The following OCA2 variants were observed in gnomAD, a reference collection of about 807,000 sequenced individuals.
OCA2 encodes the protein OCA2 melanosomal transmembrane protein.
OCA2 carries 77 observed loss-of-function variants against 100.2 expected under a neutral mutation model. The ratio of observed to expected loss-of-function variants is 0.77; its 90% CI spans 0.64 to 0.93. The LOEUF (loss-of-function observed/expected upper bound fraction) is 0.93, where lower values mean the gene tolerates loss of function less well. Ranked by LOEUF, OCA2 falls within the 40% of genes least tolerant of loss-of-function variation. OCA2 has a pLI of 0.00. For missense variants in OCA2, 1,062 were observed against 1,089.1 expected, an observed-to-expected ratio of 0.98 and a Z score of 0.35; for synonymous variants, 432 against 439.2, an observed-to-expected ratio of 0.98 and a Z score of 0.21.
intron 14 of OCA2, among the ~76,000 whole-genome samples, chr15:27,968,660 C>T (rs1229981155): frequency 1.3e-5 from 2 of 152,118 alleles, no homozygotes; most frequent in African/African-American, 4.8e-5. Flanking sequence ...TAGAGCTTGC[C>T]AATATACAAT....
At chr15:27,729,108 C>T in the OCA2 span, among the ~76,000 whole-genome samples, 1,287 of 152,248 alleles carry the variant, frequency 8.5e-3, 19 homozygotes, top group African/African-American at 0.029. Context: ...CCCTTTTCCT[C>T]CATATCCAAT....
chr15:27,873,222 A>G (rs112823493), intron 19 of OCA2, among the ~76,000 whole-genome samples: 2,780 of 152,324 alleles, frequency 0.018, 86 homozygotes, highest in African/African-American at 0.063. Flanking sequence ...TGGCCCGTGC[A>G]TTATAAAATG....
chr15:28,005,957 A>G (rs1490742387), intron 9 of OCA2, among the ~76,000 whole-genome samples: 2 of 152,178 alleles, frequency 1.3e-5, no homozygotes, highest in Admixed American at 6.5e-5. Flanking sequence ...CATCTCCTTG[A>G]GAAGCGCCAC....
the OCA2 span, among the ~76,000 whole-genome samples, chr15:27,722,676 C>T: frequency 1.4e-3 from 183 of 131,664 alleles, 1 homozygote; most frequent in Middle Eastern, 7.8e-3. Context: ...CCTTTCTTTT[C>T]TTTCTTTCTT....
the OCA2 span, among the ~76,000 whole-genome samples, chr15:27,733,361 TCTGTCACTCCC>T: frequency 6.6e-6 from 1 of 152,152 alleles, no homozygotes; most frequent in South Asian, 2.1e-4. Context: ...CTGCCCCAGG[TCTGTCACTCCC>T]CTGTCTCCAG....
At chr15:28,019,479 C>T (rs566747869) in intron 6 of OCA2, among the ~76,000 whole-genome samples, 1 of 152,272 alleles carries the variant, frequency 6.6e-6, no homozygotes, top group East Asian at 1.9e-4. Context: ...GCTACAATTA[C>T]AGGCTTCTGA....
intron 14 of OCA2, among the ~76,000 whole-genome samples, chr15:27,982,041 T>A (rs1298383728): frequency 2.7e-5 from 4 of 150,914 alleles, no homozygotes; most frequent in Non-Finnish European, 5.9e-5. Flanking sequence ...CATTGTTCCA[T>A]GTGTTTTGTC....
At position 27,957,532 on chromosome 15, in the gene OCA2, C is replaced by T; in HGVS notation, c.1784+56G>A. 1 of 1,599,694 alleles carries T rather than the reference C, an allele frequency of 6.3e-7. No homozygotes were observed. Among genetic ancestry groups the T allele is most frequent in the Non-Finnish European group, 8.5e-7 (1 of 1,169,998 alleles). On this transcript the variant is annotated intron_variant, in intron 16 of 23. Coordinates refer to ENST00000354638, the MANE Select transcript of OCA2 (RefSeq NM_000275.3). This position sits in a 1 kb window ranked among gnomAD's most constrained non-coding sequence, Gnocchi z 4.3. Reference sequence around the variant, plus strand: ...CAGCTAATGTCGCTATTTTGTAGGCCCATGGAATGTTCTGCTGCACACCAA... The same window carrying T: ...CAGCTAATGTCGCTATTTTGTAGGCTCATGGAATGTTCTGCTGCACACCAA...
intron 23 of OCA2, among the ~76,000 whole-genome samples, chr15:27,823,866 C>A (rs888971193): frequency 6.6e-6 from 1 of 152,138 alleles, no homozygotes; most frequent in African/African-American, 2.4e-5. Context: ...TTTGAAGCAA[C>A]AAAATGATTT....
At chr15:27,947,574 T>A (rs1488952212) in intron 18 of OCA2, among the ~76,000 whole-genome samples, 5 of 152,314 alleles carry the variant, frequency 3.3e-5, no homozygotes, top group African/African-American at 1.2e-4. Context: ...ATGCCCCTGA[T>A]GCCTTCTCTG....
At chr15:27,862,527 T>C (rs1236926254) in intron 21 of OCA2, among the ~76,000 whole-genome samples, 2 of 145,946 alleles carry the variant, frequency 1.4e-5, no homozygotes, top group Non-Finnish European at 1.5e-5. Context: ...CAGACTGGAG[T>C]GAAGTGGTGC....
intron 23 of OCA2, among the ~76,000 whole-genome samples, chr15:27,765,067 T>C (rs1465254985): frequency 1.3e-5 from 2 of 152,168 alleles, no homozygotes; most frequent in African/African-American, 2.4e-5. Flanking sequence ...ATAGACTAAC[T>C]TCCTGATGTT....
chr15:27,896,367 T>C (rs2037689465), intron 19 of OCA2: 2 of 758,886 alleles, frequency 2.6e-6, no homozygotes, highest in Admixed American at 1.7e-5. Flanking sequence ...GTTCGTTCAA[T>C]ACAGGAAGAA....
At chr15:27,881,421 T>C (rs1008279676) in intron 19 of OCA2, among the ~76,000 whole-genome samples, 1 of 152,170 alleles carries the variant, frequency 6.6e-6, no homozygotes, top group African/African-American at 2.4e-5. Context: ...TTGTTTGGAA[T>C]TGTTTCAGAA....
chr15:28,096,982 T>A (rs1595942216), intron 1 of OCA2, among the ~76,000 whole-genome samples: 2 of 152,202 alleles, frequency 1.3e-5, no homozygotes, highest in East Asian at 3.9e-4. Context: ...GCGGCGCCGC[T>A]GCCGCAAGCC....
At chr15:27,854,817 C>A (rs1341338914) in intron 21 of OCA2, among the ~76,000 whole-genome samples, 1 of 152,140 alleles carries the variant, frequency 6.6e-6, no homozygotes, top group Non-Finnish European at 1.5e-5. Context: ...CCAGCCTCCA[C>A]CCTACAGAAC....
chr15:27,748,178 C>T, the OCA2 span, among the ~76,000 whole-genome samples: 1 of 152,212 alleles, frequency 6.6e-6, no homozygotes, highest in Non-Finnish European at 1.5e-5. Flanking sequence ...AAGTGTTCCT[C>T]TTCCCATCAG....
At chr15:27,937,308 G>C (rs2039491900) in intron 18 of OCA2, among the ~76,000 whole-genome samples, 1 of 152,086 alleles carries the variant, frequency 6.6e-6, no homozygotes, top group African/African-American at 2.4e-5. Context: ...CCGTTCTAGG[G>C]GTTGATATTT....
At chr15:27,960,229 G>T (rs2040363884) in intron 15 of OCA2, among the ~76,000 whole-genome samples, 1 of 152,088 alleles carries the variant, frequency 6.6e-6, no homozygotes, top group African/African-American at 2.4e-5. Context: ...ATGTCATCCT[G>T]GTCTTGTCAA....
Sources: allele counts gnomAD v4.1 joint callset (sites outside exome capture counted in the v4.1 genomes callset), GRCh38; gene constraint gnomAD v4.1.1; non-coding constraint Gnocchi (gnomAD v3.1); transcripts MANE v1.5; gene names NCBI Gene and HGNC (gene_info 2026-07-23, HGNC 2026-07-21).